PARD3: variants seen among roughly 807,000 people sequenced by gnomAD.
PARD3 encodes partitioning defective 3 homolog.
PARD3 carries 75 observed loss-of-function variants against 155.4 expected under a neutral mutation model. The observed-to-expected ratio is 0.48, with a 90% CI of 0.40 to 0.58. The LOEUF (loss-of-function observed/expected upper bound fraction) is 0.58. Among genes scored for constraint, PARD3 ranks in the 20% least tolerant of loss-of-function variants. The probability of loss-of-function intolerance (pLI) is 0.00; values close to 1 mark genes in which losing one functional copy is unlikely to be tolerated. For synonymous variants in PARD3, 576 were observed against 610.5 expected (o/e 0.94, Z 0.83); for missense variants, 1,642 against 1,721.7 (o/e 0.95, Z 0.82).
chr10:34,234,924 A>T (rs1036753695), intron 22 of PARD3, among the ~76,000 whole-genome samples: 3 of 152,236 alleles, frequency 2.0e-5, no homozygotes, highest in African/African-American at 7.2e-5. Flanking sequence ...TTGATAACAT[A>T]CATGCACTTT....
chr10:34,686,352 A>G (rs1430091100), intron 2 of PARD3, among the ~76,000 whole-genome samples: 3 of 152,036 alleles, frequency 2.0e-5, no homozygotes, highest in Non-Finnish European at 4.4e-5. Context: ...TTTTAATGTT[A>G]AAGGAAACTG....
chr10:34,674,003 A>T (rs77549757), intron 2 of PARD3, among the ~76,000 whole-genome samples: 2 of 144,666 alleles, frequency 1.4e-5, no homozygotes, highest in Non-Finnish European at 1.5e-5. Context: ...AAAAACAAAC[A>T]AACAGGAGGA....
chr10:34,809,284 T>C (rs1843782306), intron 1 of PARD3, among the ~76,000 whole-genome samples: 2 of 152,144 alleles, frequency 1.3e-5, no homozygotes, highest in African/African-American at 4.8e-5. Context: ...CTGACTGCAA[T>C]GTGACAGACA....
chr10:34,814,765 T>C (rs2134461896), intron 1 of PARD3, 111 bp downstream of exon 1: 1 of 985,940 alleles, frequency 1.0e-6, no homozygotes, highest in Non-Finnish European at 1.4e-6. Context: ...GGCCGCACTT[T>C]CCCTTTCCCC....
chr10:34,733,864 T>C (rs986467515), intron 1 of PARD3, among the ~76,000 whole-genome samples: 1 of 152,182 alleles, frequency 6.6e-6, no homozygotes, highest in Non-Finnish European at 1.5e-5. Flanking sequence ...TAAACCATCT[T>C]TCTCAAAACT....
At chr10:34,154,479 G>A (rs1948911427) in intron 22 of PARD3, among the ~76,000 whole-genome samples, 1 of 152,070 alleles carries the variant, frequency 6.6e-6, no homozygotes, top group South Asian at 2.1e-4. Flanking sequence ...CCTGAGCAAG[G>A]GAGGATACAA....
chr10:34,533,619 C>T (rs2083010341), intron 2 of PARD3, among the ~76,000 whole-genome samples: 2 of 151,922 alleles, frequency 1.3e-5, no homozygotes, highest in Admixed American at 6.6e-5. Flanking sequence ...CCAGCCCGGA[C>T]AACATGGTGA....
chr10:34,543,736 GGT>G (rs2083823959), intron 2 of PARD3, among the ~76,000 whole-genome samples: 1 of 152,114 alleles, frequency 6.6e-6, no homozygotes, highest in Non-Finnish European at 1.5e-5. Context: ...AAGAAAAGTG[GGT>G]ATGTGCACTG....
intron 1 of PARD3, among the ~76,000 whole-genome samples, chr10:34,721,169 C>CTCGGT (rs1252412330): frequency 6.6e-6 from 1 of 152,076 alleles, no homozygotes; most frequent in Non-Finnish European, 1.5e-5. Flanking sequence ...CAGAAAATGA[C>CTCGGT]TCGGTTATAT....
At chr10:34,120,004 ATTTTTTTTTTTT>A (rs1185067110) in intron 23 of PARD3, among the ~76,000 whole-genome samples, 11 of 73,794 alleles carry the variant, frequency 1.5e-4, no homozygotes, top group African/African-American at 3.5e-4. Context: ...GTCTTCTTTA[ATTTTTTTTTTTT>A]TTTTTTTTTT....
chr10:34,327,514 G>A (rs761086949), intron 19 of PARD3, among the ~76,000 whole-genome samples: 1 of 152,114 alleles, frequency 6.6e-6, no homozygotes, highest in Non-Finnish European at 1.5e-5. Context: ...GGAGGGGCTC[G>A]ACCCAACTGA....
chr10:34,441,570 C>T (rs1048111532), intron 5 of PARD3, among the ~76,000 whole-genome samples: 1 of 152,132 alleles, frequency 6.6e-6, no homozygotes, highest in African/African-American at 2.4e-5. Flanking sequence ...AGTAGAATGC[C>T]ATCTGGTACT....
At position 34,119,658 on chromosome 10, in the gene PARD3, C is replaced by T. The variant is rs770340793; in HGVS notation, c.3623G>A (p.Arg1208His). Residue 1208 changes from arginine to histidine, a missense_variant, in exon 24 of 25, where the codon CGC becomes CAC. By Grantham distance (29) the Arg-to-His change is conservative. This residue lies in a region of PARD3 where 1,529 missense variants were observed against 1,587.3 expected (regional missense o/e 0.96). Coordinates refer to ENST00000374788, the MANE Select transcript of PARD3 (RefSeq NM_001184785.2). Reference protein sequence around the residue: ...VQMQRQRQEERESSQQAQRQY... With the variant: ...VQMQRQRQEEHESSQQAQRQY... ...GCGCTGGGCCTGCTGGGAGCTCTCGCGCTCCTCCTGCCGCTGCCGCTGCAT... is the reference window on the plus strand; with the variant it reads ...GCGCTGGGCCTGCTGGGAGCTCTCGTGCTCCTCCTGCCGCTGCCGCTGCAT... 12 of 1,610,602 alleles carry T rather than the reference C, an allele frequency of 7.5e-6. No individual in the cohort carries two copies. The highest frequency in any genetic ancestry group is 8.5e-6 in the Non-Finnish European group (10 of 1,178,968).
intron 22 of PARD3, among the ~76,000 whole-genome samples, chr10:34,143,000 G>C (rs984093157): frequency 6.6e-6 from 1 of 152,190 alleles, no homozygotes; most frequent in Non-Finnish European, 1.5e-5. Flanking sequence ...AAACTAAAAA[G>C]AGTGAAAAAC....
chr10:34,196,948 C>A (rs182504513), intron 22 of PARD3, among the ~76,000 whole-genome samples: 41 of 152,228 alleles, frequency 2.7e-4, no homozygotes, highest in African/African-American at 8.7e-4. Flanking sequence ...TTGATACTGG[C>A]GTTACTATGA....
At chr10:34,449,971 T>TA (rs1167805652) in intron 5 of PARD3, among the ~76,000 whole-genome samples, 3 of 152,220 alleles carry the variant, frequency 2.0e-5, no homozygotes, top group African/African-American at 7.2e-5. Flanking sequence ...TCCTTGGACT[T>TA]ACTGCCTATT....
At position 34,507,157 on chromosome 10, in the gene PARD3, C is replaced by G. The variant is rs115798539; in HGVS notation, c.403+9822G>C. Among the ~76,000 whole-genome samples the G allele has an allele frequency of 1.3e-3, 200 of 152,240 alleles. 1 individual carries two copies. Among genetic ancestry groups the G allele is most frequent in the African/African-American group, 4.5e-3 (185 of 41,532 alleles). ...ATTATTTTTAAATGCCAATACAGCT[C>G]CCAGTTTTCTAACCAAAACTACGGG... On this transcript the variant is annotated intron_variant, in intron 3 of 24. Transcript: ENST00000374788.
chr10:34,714,066 ACT>A (rs1474567416), intron 1 of PARD3, among the ~76,000 whole-genome samples: 1 of 152,196 alleles, frequency 6.6e-6, no homozygotes, highest in African/African-American at 2.4e-5. Flanking sequence ...AGAGATGTTG[ACT>A]CAGACCAAAA....
intron 3 of PARD3, among the ~76,000 whole-genome samples, chr10:34,503,435 C>T (rs2080845436): frequency 6.6e-6 from 1 of 152,268 alleles, no homozygotes; most frequent in African/African-American, 2.4e-5. Context: ...TGGGATCTAT[C>T]TTTAAAAGAT....
Sources: gnomAD v4.1 joint callset for allele counts (sites outside exome capture counted in the v4.1 genomes callset) on GRCh38, gnomAD v4.1.1 for gene constraint, gnomAD v4.1.1 regional missense constraint, MANE v1.5 for transcripts, NCBI Gene and HGNC (gene_info 2026-07-23, HGNC 2026-07-21) for gene names.